TANC2: variants seen among roughly 807,000 people sequenced by gnomAD.
TANC2 encodes protein TANC2.
In TANC2, 26 loss-of-function variants were observed where a neutral mutation model predicts 210.5. The observed-to-expected ratio is 0.12, with a 90% CI of 0.09 to 0.17. The LOEUF (loss-of-function observed/expected upper bound fraction) is 0.17. Among genes scored for constraint, TANC2 ranks in the 10% least tolerant of loss-of-function variants. The pLI is 1.00. For missense variants in TANC2, 2,129 were observed against 2,608.9 expected, an observed-to-expected ratio of 0.82 and a Z score of 4.01; for synonymous variants, 931 against 967.1, an observed-to-expected ratio of 0.96 and a Z score of 0.69.
chr17:63,112,016 G>A (rs960440992), intron 4 of TANC2, among the ~76,000 whole-genome samples: 11 of 152,116 alleles, frequency 7.2e-5, no homozygotes, highest in Admixed American at 2.6e-4. Flanking sequence ...GAGCCACCGC[G>A]CCCGGCCATT....
At chr17:63,041,801 T>C (rs1274538114) in intron 2 of TANC2, among the ~76,000 whole-genome samples, 6 of 152,140 alleles carry the variant, frequency 3.9e-5, no homozygotes, top group African/African-American at 1.4e-4. Context: ...ATGGATGAGA[T>C]GGAAAAGAGC....
chr17:63,047,807 A>T (rs1241074163), intron 2 of TANC2, among the ~76,000 whole-genome samples: 1 of 152,228 alleles, frequency 6.6e-6, no homozygotes, highest in Non-Finnish European at 1.5e-5. Context: ...TAAAAAAAGC[A>T]TACAAATTTA....
chr17:63,387,596 A>C (rs1177168843), intron 15 of TANC2, among the ~76,000 whole-genome samples: 2 of 152,206 alleles, frequency 1.3e-5, no homozygotes, highest in Non-Finnish European at 2.9e-5. Context: ...GTACCTCCCT[A>C]TATCTCTTAT....
intron 1 of TANC2, among the ~76,000 whole-genome samples, chr17:62,999,073 G>C (rs1421082973): frequency 6.6e-6 from 1 of 152,236 alleles, no homozygotes; most frequent in Admixed American, 6.5e-5. Flanking sequence ...CCCAATGCTG[G>C]AAGTGCGGCA....
intron 1 of TANC2, among the ~76,000 whole-genome samples, chr17:62,972,438 C>G (rs2031755214): frequency 6.6e-6 from 1 of 152,164 alleles, no homozygotes; most frequent in Non-Finnish European, 1.5e-5. Flanking sequence ...CTTTGTTTAT[C>G]AGAACTTAAG....
intron 4 of TANC2, among the ~76,000 whole-genome samples, chr17:63,127,875 G>C (rs2038768310): frequency 6.6e-6 from 1 of 152,218 alleles, no homozygotes; most frequent in Admixed American, 6.5e-5. Flanking sequence ...TCACTTGCAG[G>C]ATTAAAGTTT....
At chr17:62,971,713 A>G (rs2031703754) in intron 1 of TANC2, among the ~76,000 whole-genome samples, 2 of 152,154 alleles carry the variant, frequency 1.3e-5, no homozygotes, top group African/African-American at 4.8e-5. Flanking sequence ...GCAGGAGGTG[A>G]GTGGCTGGCC....
At chr17:63,156,567 T>G (rs1175705066) in intron 5 of TANC2, among the ~76,000 whole-genome samples, 1 of 152,148 alleles carries the variant, frequency 6.6e-6, no homozygotes, top group African/African-American at 2.4e-5. Flanking sequence ...AAGTAGAGAT[T>G]AGGAGACAAA....
intron 8 of TANC2, among the ~76,000 whole-genome samples, chr17:63,257,062 T>G (rs983129921): frequency 6.9e-6 from 1 of 144,268 alleles, no homozygotes; most frequent in Non-Finnish European, 1.5e-5. Context: ...TTTGTTTGGT[T>G]GGTTGGTTGG....
chr17:63,022,529 G>A lies in TANC2; in HGVS notation c.67+12903G>A, dbSNP rs574183731. Among the ~76,000 whole-genome samples, 3 of 152,202 alleles carry A rather than the reference G, an allele frequency of 2.0e-5. No homozygotes were observed. The East Asian group carries it at 5.8e-4, about 29-fold the overall frequency. ...AAACATTTCAAAAATTCCCAGCCTGGCCATGTAAAGAATGAAAAAGAATGT... is the reference window on the plus strand; with the variant it reads ...AAACATTTCAAAAATTCCCAGCCTGACCATGTAAAGAATGAAAAAGAATGT... On this transcript the variant is annotated intron_variant, in intron 2 of 27. Transcript: ENST00000689528.
chr17:63,069,705 TTTC>T (rs2036327670), intron 2 of TANC2, among the ~76,000 whole-genome samples: 2 of 143,470 alleles, frequency 1.4e-5, no homozygotes, highest in African/African-American at 5.2e-5. Context: ...TTCTAAAAAG[TTTC>T]TTATTTTTGT....
At chr17:63,037,452 A>G (rs1221094461) in intron 2 of TANC2, among the ~76,000 whole-genome samples, 1 of 152,132 alleles carries the variant, frequency 6.6e-6, no homozygotes, top group Non-Finnish European at 1.5e-5. Flanking sequence ...AATCACAGAT[A>G]AGGGGGTGGG....
At chr17:63,208,821 T>C (rs1469604557) in intron 7 of TANC2, among the ~76,000 whole-genome samples, 1 of 152,176 alleles carries the variant, frequency 6.6e-6, no homozygotes, top group Non-Finnish European at 1.5e-5. Context: ...ACCTATTGCA[T>C]AGAAATATGT....
At chr17:63,051,104 A>G (rs1050450057) in intron 2 of TANC2, among the ~76,000 whole-genome samples, 5 of 152,198 alleles carry the variant, frequency 3.3e-5, no homozygotes, top group South Asian at 4.1e-4. Context: ...TCCTTTGCAT[A>G]ATGCCCATCA....
At chr17:63,166,576 G>C (rs905958647) in intron 5 of TANC2, among the ~76,000 whole-genome samples, 1 of 152,180 alleles carries the variant, frequency 6.6e-6, no homozygotes, top group Admixed American at 6.6e-5. Flanking sequence ...GATTCTAACT[G>C]CAAAAGAAAA....
At chr17:63,338,375 A>G (rs1172212793) in intron 11 of TANC2, among the ~76,000 whole-genome samples, 1 of 152,222 alleles carries the variant, frequency 6.6e-6, no homozygotes, top group Non-Finnish European at 1.5e-5. Context: ...CTTTTTCTAA[A>G]TATCACAATT....
intron 4 of TANC2, among the ~76,000 whole-genome samples, chr17:63,114,065 T>A (rs2038157653): frequency 6.6e-6 from 1 of 152,224 alleles, no homozygotes. Context: ...GGAGATTTGA[T>A]ATGTGTATCT....
chr17:63,040,816 TTTAG>T (rs1428363152), intron 2 of TANC2, among the ~76,000 whole-genome samples: 5 of 152,180 alleles, frequency 3.3e-5, no homozygotes, highest in Admixed American at 3.3e-4. Context: ...GGTATATTAT[TTTAG>T]TTAGTGTTGT....
intron 4 of TANC2, chr17:63,149,731 T>C (rs2039583309): frequency 6.6e-6 from 1 of 152,160 alleles, no homozygotes; most frequent in African/African-American, 2.4e-5. Context: ...GTAGCCTGCA[T>C]ATATACATAT....
Sources: allele counts gnomAD v4.1 joint callset (sites outside exome capture counted in the v4.1 genomes callset), GRCh38; gene constraint gnomAD v4.1.1; transcripts MANE v1.5; gene names NCBI Gene and HGNC (gene_info 2026-07-23, HGNC 2026-07-21).